TPTE2: variants seen among roughly 807,000 people sequenced by gnomAD.
The protein encoded by TPTE2 is phosphatidylinositol 3,4,5-trisphosphate 3-phosphatase TPTE2.
A neutral mutation model predicts 78.6 loss-of-function variants in TPTE2; 53 were observed. The observed-to-expected ratio is 0.67, with a 90% CI of 0.54 to 0.85. TPTE2 has a LOEUF of 0.85. TPTE2 is among the 40% of genes least tolerant of loss of function. The pLI is 0.00. For synonymous variants in TPTE2, 175 were observed against 206.2 expected (o/e 0.85, Z 1.30); for missense variants, 461 against 623.0 (o/e 0.74, Z 2.77).
At chr13:19,485,157 G>T (rs1477158447) in intron 3 of TPTE2, among the ~76,000 whole-genome samples, 5 of 152,022 alleles carry the variant, frequency 3.3e-5, no homozygotes, top group African/African-American at 1.2e-4. Context: ...AACTTTTAAA[G>T]TTTTGCATGT....
In TPTE2 at chr13:19,472,130, A is replaced by G. The variant is rs530044750; in HGVS notation, c.392+1784T>C. On this transcript the variant is annotated intron_variant, in intron 6 of 19. Coordinates refer to ENST00000400230, the Ensembl canonical transcript of TPTE2. ...ATCCTTGATCTTTGGGACTGTGATT[A>G]TTAAATTCCTTGAGGTAGTCTTCTT... Among the ~76,000 whole-genome samples, 23 of 152,202 alleles carry G rather than the reference A, an allele frequency of 1.5e-4. No homozygotes were observed. In the South Asian group the frequency reaches 4.2e-3, roughly 27 times the overall value.
chr13:19,435,013 G>C (rs1404421024), intron 15 of TPTE2, among the ~76,000 whole-genome samples: 1 of 152,160 alleles, frequency 6.6e-6, no homozygotes, highest in Non-Finnish European at 1.5e-5. Flanking sequence ...AGAACTCTTA[G>C]AATAGTTCAG....
upstream of TPTE2, among the ~76,000 whole-genome samples, chr13:19,503,758 G>C (rs1868786618): frequency 6.6e-6 from 1 of 152,100 alleles, no homozygotes; most frequent in Non-Finnish European, 1.5e-5. Flanking sequence ...CCTATATTGT[G>C]GCAGAGTTCT....
chr13:19,511,128 C>G (rs979140405), intron 1 of TPTE2, among the ~76,000 whole-genome samples: 10 of 152,222 alleles, frequency 6.6e-5, no homozygotes, highest in African/African-American at 9.6e-5. Flanking sequence ...TACAGAACTA[C>G]TCAAACAGGT....
chr13:19,436,116 T>G (rs1446870038), intron 15 of TPTE2, 110 bp downstream of exon 18: 8 of 890,414 alleles, frequency 9.0e-6, no homozygotes, highest in Non-Finnish European at 3.3e-6. Flanking sequence ...GGCACCCAAC[T>G]GCTGCTGCCT....
Position 19,451,600 on chromosome 13 carries a change from A to G in TPTE2, c.742-375T>C, listed in dbSNP as rs4337148. 1.5e-3 allele frequency among the ~76,000 whole-genome samples: 235 copies of G among 152,328 alleles called. 3 individuals are homozygous for G. In the East Asian group the frequency reaches 0.043, roughly 28 times the overall value. On this transcript the variant is annotated intron_variant, in intron 10 of 19. Transcript: ENST00000400230. ...CTTATTTCAATTTAATTCTGAATAG[A>G]TACATCTTTAGAGAGTGATCTGCAT... is the stretch of plus-strand genomic sequence containing the variant.
intron 19 of TPTE2, among the ~76,000 whole-genome samples, chr13:19,423,450 C>T (rs1415798932): frequency 3.3e-5 from 5 of 152,166 alleles, no homozygotes; most frequent in Admixed American, 2.6e-4. Context: ...CTCTCTGTGA[C>T]AGAAATCAGT....
intron 19 of TPTE2, among the ~76,000 whole-genome samples, chr13:19,424,615 G>C (rs1346523361): frequency 1.3e-5 from 2 of 152,116 alleles, no homozygotes. Flanking sequence ...TACTGACAGG[G>C]ACCTGACATA....
intron 4 of TPTE2, among the ~76,000 whole-genome samples, chr13:19,478,212 A>C (rs1022727039): frequency 9.8e-5 from 15 of 152,316 alleles, no homozygotes; most frequent in African/African-American, 3.6e-4. Flanking sequence ...CTACCATCAG[A>C]GTGAACAGGC....
intron 19 of TPTE2, among the ~76,000 whole-genome samples, chr13:19,424,617 C>A (rs1875879506): frequency 6.6e-6 from 1 of 152,116 alleles, no homozygotes; most frequent in Non-Finnish European, 1.5e-5. Context: ...CTGACAGGGA[C>A]CTGACATACT....
In TPTE2 at chr13:19,454,184, AT is replaced by A. The variant is rs1460349315; in HGVS notation, c.742-2960del. Among the ~76,000 whole-genome samples the A allele has an allele frequency of 1.1e-4, 16 of 152,266 alleles. 1 individual carries two copies. The highest frequency in any genetic ancestry group is 6.5e-4 in the Admixed American group (10 of 15,294). ...GCATCTGACACTTCTCCACTAGCAA[AT>A]TTACCACTTATGAAATTGTAATGTC... On this transcript the variant is annotated intron_variant, in intron 10 of 19. Coordinates refer to ENST00000400230, the Ensembl canonical transcript of TPTE2.
chr13:19,442,173 G>A (rs1813704957), intron 13 of TPTE2, among the ~76,000 whole-genome samples: 1 of 151,708 alleles, frequency 6.6e-6, no homozygotes. Context: ...ACCAAATTCT[G>A]GGCCATTAAG....
At chr13:19,547,714 A>ATAT in the TPTE2 span, among the ~76,000 whole-genome samples, 1 of 108,558 alleles carries the variant, frequency 9.2e-6, no homozygotes, top group East Asian at 2.9e-4. Flanking sequence ...CTAAGTAATA[A>ATAT]ATATACATAT....
At chr13:19,435,308 G>GT (rs1157455975) in intron 15 of TPTE2, among the ~76,000 whole-genome samples, 5 of 152,180 alleles carry the variant, frequency 3.3e-5, no homozygotes, top group Non-Finnish European at 7.3e-5. Flanking sequence ...AAGTGTTAAG[G>GT]TTTTTTGTTG....
intron 10 of TPTE2, 103 bp from the exon 14 acceptor site, chr13:19,451,328 C>T (rs1193133584): frequency 1.7e-5 from 24 of 1,412,460 alleles, no homozygotes; most frequent in Non-Finnish European, 2.3e-5. Flanking sequence ...ATTTGTCTCT[C>T]ACTAGCATCT....
chr13:19,513,747 A>G (rs1053970807), intron 1 of TPTE2, among the ~76,000 whole-genome samples: 1 of 152,160 alleles, frequency 6.6e-6, no homozygotes, highest in Non-Finnish European at 1.5e-5. Flanking sequence ...AGTTTAATGA[A>G]TCAGGATTTA....
At chr13:19,502,237 T>G (rs1050648074) in intron 1 of TPTE2, among the ~76,000 whole-genome samples, 3 of 144,860 alleles carry the variant, frequency 2.1e-5, no homozygotes, top group Non-Finnish European at 3.0e-5. Flanking sequence ...GAAGTCAGTG[T>G]GGCGATTCCT....
chr13:19,561,346 C>A, the TPTE2 span: 4 of 579,722 alleles, frequency 6.9e-6, no homozygotes, highest in East Asian at 9.5e-5. Flanking sequence ...TCCTCGCGAC[C>A]GGCCTGCAGG....
intron 17 of TPTE2, among the ~76,000 whole-genome samples, chr13:19,429,346 C>G (rs567503038): frequency 3.3e-5 from 5 of 152,284 alleles, no homozygotes; most frequent in Admixed American, 2.0e-4. Context: ...GCATAATCAA[C>G]AGAGATGGAT....
Sources: gnomAD v4.1 joint callset for allele counts (sites outside exome capture counted in the v4.1 genomes callset) on GRCh38, gnomAD v4.1.1 for gene constraint, MANE v1.5 for transcripts, NCBI Gene and HGNC (gene_info 2026-07-23, HGNC 2026-07-21) for gene names.